Variants in ANK2 observed in about 807,000 individuals in gnomAD.
ANK2 encodes the protein ankyrin 2, also known as ankyrin-2.
A neutral mutation model predicts 360.5 loss-of-function variants in ANK2; 83 were observed. The observed-to-expected ratio is 0.23, with a 90% CI of 0.19 to 0.28. The LOEUF (loss-of-function observed/expected upper bound fraction) is 0.28. ANK2 is among the 10% of genes least tolerant of loss of function. The pLI is 1.00. For synonymous variants in ANK2, 1,740 were observed against 1,759.5 expected (o/e 0.99, Z 0.28); for missense variants, 4,201 against 4,795.7 (o/e 0.88, Z 3.66).
At chr4:112,749,696 A>G in the ANK2 span, among the ~76,000 whole-genome samples, 3 of 152,212 alleles carry the variant, frequency 2.0e-5, no homozygotes, top group African/African-American at 7.2e-5. Context: ...GAGATTTATC[A>G]TAGAACATAA....
intron 2 of ANK2, among the ~76,000 whole-genome samples, chr4:113,039,155 A>T (rs1320288151): frequency 6.6e-6 from 1 of 152,088 alleles, no homozygotes; most frequent in African/African-American, 2.4e-5. Flanking sequence ...AAGGAATTTT[A>T]GTGGTCAGTC....
intron 1 of ANK2, among the ~76,000 whole-genome samples, chr4:112,888,051 G>T: frequency 1.3e-5 from 2 of 152,116 alleles, no homozygotes; most frequent in South Asian, 2.1e-4. Flanking sequence ...TGTACTATAA[G>T]GCCTATTAAT....
At chr4:112,882,060 C>A in intron 1 of ANK2, 1 of 390,198 alleles carries the variant, frequency 2.6e-6, no homozygotes, top group Non-Finnish European at 4.7e-6. Context: ...AAGGGCTCCT[C>A]AGGCTCTCAT....
At chr4:112,933,997 G>A (rs1008958346) in intron 2 of ANK2, among the ~76,000 whole-genome samples, 3 of 152,072 alleles carry the variant, frequency 2.0e-5, no homozygotes, top group Non-Finnish European at 4.4e-5. Flanking sequence ...CGTCATGTGA[G>A]AATGGTTAAA....
the ANK2 span, among the ~76,000 whole-genome samples, chr4:112,735,813 CTG>C: frequency 1.3e-5 from 2 of 152,290 alleles, no homozygotes; most frequent in East Asian, 3.9e-4. Flanking sequence ...AAAACTGAAA[CTG>C]TGTACTCACT....
chr4:113,052,482 T>C (rs868322279), intron 1 of ANK2, among the ~76,000 whole-genome samples: 19 of 152,186 alleles, frequency 1.2e-4, no homozygotes, highest in African/African-American at 4.6e-4. Flanking sequence ...AATTTACTTG[T>C]TTATTCTGTA....
chr4:113,031,330 A>G (rs1033839333), intron 2 of ANK2: 1 of 152,054 alleles, frequency 6.6e-6, no homozygotes, highest in Admixed American at 6.6e-5. Flanking sequence ...GGAGATATTT[A>G]TCTTTCCCTG....
chr4:112,975,074 C>G (rs563406466), intron 2 of ANK2, among the ~76,000 whole-genome samples: 59 of 152,186 alleles, frequency 3.9e-4, no homozygotes, highest in Non-Finnish European at 6.0e-4. Context: ...CAGTCCCTTT[C>G]ATATATCACG....
the ANK2 span, among the ~76,000 whole-genome samples, chr4:112,807,793 T>G: frequency 6.6e-6 from 1 of 152,230 alleles, no homozygotes; most frequent in Non-Finnish European, 1.5e-5. Context: ...AGCATTTGGT[T>G]GCTTTGTTAT....
chr4:112,716,785 T>C, the ANK2 span, among the ~76,000 whole-genome samples: 1 of 152,216 alleles, frequency 6.6e-6, no homozygotes, highest in Non-Finnish European at 1.5e-5. Context: ...GAAGAAGTTA[T>C]ACAAGAATGT....
At chr4:113,210,416 T>A (rs2099008054) in intron 4 of ANK2, among the ~76,000 whole-genome samples, 1 of 152,200 alleles carries the variant, frequency 6.6e-6, no homozygotes, top group Non-Finnish European at 1.5e-5. Context: ...GTCCTTAGTA[T>A]AAAATGAGTA....
the ANK2 span, among the ~76,000 whole-genome samples, chr4:112,743,860 T>A: frequency 6.6e-6 from 1 of 151,316 alleles, no homozygotes; most frequent in Admixed American, 6.6e-5. Context: ...TATTTTCTTT[T>A]TTTTTCTCCA....
intron 2 of ANK2, among the ~76,000 whole-genome samples, chr4:112,993,373 G>A (rs1276250647): frequency 6.6e-6 from 1 of 152,008 alleles, no homozygotes; most frequent in Non-Finnish European, 1.5e-5. Flanking sequence ...CGCGATCTTG[G>A]CTCACTGCAA....
chr4:112,957,880 G>A (rs1437612441), intron 2 of ANK2, among the ~76,000 whole-genome samples: 4 of 150,662 alleles, frequency 2.7e-5, no homozygotes, highest in African/African-American at 4.9e-5. Context: ...TTCTCAGACG[G>A]GGCAGCCGGG....
chr4:113,251,251 A>G (rs1262070743), intron 10 of ANK2, among the ~76,000 whole-genome samples: 2 of 152,140 alleles, frequency 1.3e-5, no homozygotes, highest in Non-Finnish European at 1.5e-5. Flanking sequence ...TGTAATTGTC[A>G]TGTCACTAAT....
intron 26 of ANK2, among the ~76,000 whole-genome samples, chr4:113,329,722 TCTC>T (rs1460952346): frequency 6.6e-6 from 1 of 152,224 alleles, no homozygotes; most frequent in Non-Finnish European, 1.5e-5. Flanking sequence ...ATTTTGCATT[TCTC>T]CTCCTTTAGA....
intron 2 of ANK2, among the ~76,000 whole-genome samples, chr4:113,019,236 T>C (rs1484166068): frequency 6.6e-6 from 1 of 152,204 alleles, no homozygotes; most frequent in Non-Finnish European, 1.5e-5. Flanking sequence ...TTCTTACCAA[T>C]TCTCTATCAC....
At chr4:112,974,053 T>C (rs2040517515) in intron 2 of ANK2, among the ~76,000 whole-genome samples, 1 of 152,238 alleles carries the variant, frequency 6.6e-6, no homozygotes, top group Non-Finnish European at 1.5e-5. Context: ...TTTTGATTTG[T>C]AGTGTCTTTG....
chr4:113,372,697 C>T (rs534403090), intron 43 of ANK2: 1 of 1,086,458 alleles, frequency 9.2e-7, no homozygotes, highest in East Asian at 2.6e-5. Context: ...CAACCTGGAT[C>T]AATGAAGGCT....
Sources: allele counts gnomAD v4.1 joint callset (sites outside exome capture counted in the v4.1 genomes callset), GRCh38; gene constraint gnomAD v4.1.1; transcripts MANE v1.5; gene names NCBI Gene and HGNC (gene_info 2026-07-23, HGNC 2026-07-21).